Variants in RBMS3 observed in about 807,000 individuals in gnomAD.
RBMS3 encodes RNA binding motif single stranded interacting protein 3.
RBMS3 carries 27 observed loss-of-function variants against 66.8 expected under a neutral mutation model. That is an observed-to-expected ratio of 0.40 (90% CI 0.30 to 0.56). The LOEUF (loss-of-function observed/expected upper bound fraction) is 0.56. Among genes scored for constraint, RBMS3 ranks in the 20% least tolerant of loss-of-function variants. The pLI is 0.40. For missense variants in RBMS3, 513 were observed against 549.5 expected, an observed-to-expected ratio of 0.93 and a Z score of 0.66; for synonymous variants, 188 against 183.0, an observed-to-expected ratio of 1.03 and a Z score of -0.22.
chr3:29,556,681 A>G (rs2046378853), intron 3 of RBMS3, among the ~76,000 whole-genome samples: 1 of 152,178 alleles, frequency 6.6e-6, no homozygotes, highest in Admixed American at 6.5e-5. Context: ...ATCCCCTTGA[A>G]CAACTTTTAG....
chr3:29,406,131 T>C (rs2040007911), intron 1 of RBMS3, among the ~76,000 whole-genome samples: 1 of 152,172 alleles, frequency 6.6e-6, no homozygotes, highest in Non-Finnish European at 1.5e-5. Flanking sequence ...TTAAATTAGG[T>C]ATCTTCGGTG....
At chr3:29,564,532 T>A (rs1027817343) in intron 3 of RBMS3, among the ~76,000 whole-genome samples, 2 of 151,614 alleles carry the variant, frequency 1.3e-5, no homozygotes, top group Admixed American at 1.3e-4. Context: ...GGTTACCTTA[T>A]GTACAAATTG....
At chr3:29,649,622 G>A (rs2050070672) in intron 4 of RBMS3, among the ~76,000 whole-genome samples, 1 of 152,100 alleles carries the variant, frequency 6.6e-6, no homozygotes, top group Non-Finnish European at 1.5e-5. Flanking sequence ...CTAGGCAGCT[G>A]CAAAGTACCT....
intron 10 of RBMS3, among the ~76,000 whole-genome samples, chr3:29,900,648 G>C (rs2060230480): frequency 1.3e-5 from 2 of 151,532 alleles, no homozygotes; most frequent in Admixed American, 1.3e-4. Context: ...GACTCTTCTG[G>C]GTATGCTCTC....
intron 4 of RBMS3, among the ~76,000 whole-genome samples, chr3:29,689,849 G>T (rs2051896973): frequency 7.5e-6 from 1 of 132,616 alleles, no homozygotes; most frequent in East Asian, 2.4e-4. Context: ...GGAGGCTGAG[G>T]CATAAGGTTC....
At chr3:29,701,611 T>C (rs1255305596) in intron 4 of RBMS3, among the ~76,000 whole-genome samples, 2 of 149,908 alleles carry the variant, frequency 1.3e-5, no homozygotes, top group Non-Finnish European at 3.0e-5. Context: ...GCTGCGCGCG[T>C]CGTTCACGGC....
intron 1 of RBMS3, among the ~76,000 whole-genome samples, chr3:29,287,714 T>G (rs12493453): frequency 0.29 from 43,452 of 151,910 alleles, 6,609 homozygotes; most frequent in Admixed American, 0.37. Flanking sequence ...ATTAATAACC[T>G]CTAGCTTCCT....
rs547541503 is a variant in RBMS3 at position 29,899,896 on chromosome 3, T to A, written c.939+141T>A. ...CCATATTCTCCAGATAAAAAGCTGT[T>A]CCTGAAATTCTACAAAAGCATGTAC... On this transcript the variant is annotated intron_variant, in intron 10 of 14. Transcript: ENST00000383767. The A allele has an allele frequency of 1.6e-5, 12 of 730,308 alleles. No homozygotes were observed. In the South Asian group the frequency reaches 2.1e-4, roughly 13 times the overall value. The allele number at this position is 730,308 out of a possible 1,614,324, so 45.2% of individuals were successfully genotyped here.
At chr3:29,756,095 T>G (rs1028176872) in intron 5 of RBMS3, among the ~76,000 whole-genome samples, 1 of 152,228 alleles carries the variant, frequency 6.6e-6, no homozygotes, top group East Asian at 1.9e-4. Context: ...AAAACTGCTC[T>G]TTTACTCTGT....
intron 4 of RBMS3, among the ~76,000 whole-genome samples, chr3:29,688,798 G>C (rs780615140): frequency 1.3e-5 from 2 of 151,810 alleles, no homozygotes; most frequent in African/African-American, 2.4e-5. Flanking sequence ...GGCCAGGCTG[G>C]TCTCGAACTC....
intron 7 of RBMS3, among the ~76,000 whole-genome samples, chr3:29,872,376 T>C (rs138108766): frequency 4.1e-4 from 63 of 152,258 alleles, no homozygotes; most frequent in African/African-American, 1.5e-3. Context: ...ATGGCCAGAT[T>C]TGTGCATGTA....
intron 12 of RBMS3, among the ~76,000 whole-genome samples, chr3:29,985,981 G>A (rs1309173178): frequency 1.3e-5 from 2 of 152,202 alleles, no homozygotes; most frequent in East Asian, 3.8e-4. Flanking sequence ...AGAGAGTGGA[G>A]TGGGGATGGA....
At chr3:29,388,197 T>C (rs774491975) in intron 1 of RBMS3, among the ~76,000 whole-genome samples, 41 of 145,042 alleles carry the variant, frequency 2.8e-4, no homozygotes, top group Non-Finnish European at 5.2e-4. Flanking sequence ...TACCTTTACC[T>C]GCTTTATTTA....
chr3:29,617,240 A>T (rs1385014728), intron 4 of RBMS3, among the ~76,000 whole-genome samples: 1 of 152,238 alleles, frequency 6.6e-6, no homozygotes, highest in Non-Finnish European at 1.5e-5. Context: ...CTCCAAAACT[A>T]AGGTTGCTGA....
At chr3:29,453,643 GGT>G (rs2042083558) in intron 2 of RBMS3, among the ~76,000 whole-genome samples, 2 of 152,144 alleles carry the variant, frequency 1.3e-5, no homozygotes, top group Non-Finnish European at 2.9e-5. Context: ...CCTGAGCTGT[GGT>G]GTCTGGCTGG....
chr3:29,425,762 G>A (rs2040934637), intron 1 of RBMS3, among the ~76,000 whole-genome samples: 1 of 152,176 alleles, frequency 6.6e-6, no homozygotes, highest in Non-Finnish European at 1.5e-5. Flanking sequence ...GTACATTTCT[G>A]AAGACCTCTT....
chr3:29,773,336 T>C (rs1337604000), intron 6 of RBMS3, among the ~76,000 whole-genome samples: 1 of 152,058 alleles, frequency 6.6e-6, no homozygotes, highest in Non-Finnish European at 1.5e-5. Context: ...TTTAGAAAGA[T>C]AGATAATGCT....
chr3:29,733,651 G>A (rs1305593899), intron 4 of RBMS3, among the ~76,000 whole-genome samples: 1 of 151,824 alleles, frequency 6.6e-6, no homozygotes, highest in Non-Finnish European at 1.5e-5. Flanking sequence ...ATATCTGTTG[G>A]CCATTATGAA....
At chr3:29,955,321 G>A (rs1330182945) in intron 12 of RBMS3, among the ~76,000 whole-genome samples, 2 of 151,976 alleles carry the variant, frequency 1.3e-5, no homozygotes, top group African/African-American at 4.8e-5. Context: ...GATTTCAGCT[G>A]ATAGTTTAAA....
Sources: allele counts gnomAD v4.1 joint callset (sites outside exome capture counted in the v4.1 genomes callset), GRCh38; gene constraint gnomAD v4.1.1; transcripts MANE v1.5; gene names NCBI Gene and HGNC (gene_info 2026-07-23, HGNC 2026-07-21).